The following PXDNL variants were observed in gnomAD, a reference collection of about 807,000 sequenced individuals.
The protein encoded by PXDNL is peroxidasin like.
Under a neutral mutation model 150.8 loss-of-function variants are expected in PXDNL, and 145 were observed. That is an observed-to-expected ratio of 0.96 (90% CI 0.84 to 1.10). The LOEUF (loss-of-function observed/expected upper bound fraction) is 1.10. Among genes scored for constraint, PXDNL ranks in the 50% least tolerant of loss-of-function variants. PXDNL has a pLI of 0.00. For synonymous variants in PXDNL, 757 were observed against 725.7 expected, an observed-to-expected ratio of 1.04 and a Z score of -0.69; for missense variants, 2,087 against 1,873.9, an observed-to-expected ratio of 1.11 and a Z score of -2.10.
chr8:51,780,048 T>G (rs2037395402), intron 1 of PXDNL, among the ~76,000 whole-genome samples: 1 of 152,076 alleles, frequency 6.6e-6, no homozygotes, highest in African/African-American at 2.4e-5. Flanking sequence ...CCATATCTGC[T>G]AAAAATACAA....
At chr8:51,338,419 A>C (rs1272523389) in intron 21 of PXDNL, among the ~76,000 whole-genome samples, 1 of 152,338 alleles carries the variant, frequency 6.6e-6, no homozygotes, top group African/African-American at 2.4e-5. Context: ...TAGTTCACAA[A>C]GTCCTTCTGT....
At chr8:51,685,637 C>T (rs956009047) in intron 1 of PXDNL, among the ~76,000 whole-genome samples, 1 of 152,134 alleles carries the variant, frequency 6.6e-6, no homozygotes, top group Non-Finnish European at 1.5e-5. Context: ...CCTACATACA[C>T]ACATACATAC....
intron 1 of PXDNL, among the ~76,000 whole-genome samples, chr8:51,685,921 G>C (rs1274384891): frequency 6.6e-6 from 1 of 152,174 alleles, no homozygotes; most frequent in African/African-American, 2.4e-5. Flanking sequence ...ATGAATTAAT[G>C]AGTATTACAT....
chr8:51,409,377 G>A lies in PXDNL; in HGVS notation c.2247C>T (p.Phe749=), dbSNP rs775095055. Residue 749 remains phenylalanine (F), a synonymous_variant, in exon 17 of 23, where the codon TTC becomes TTT. Coordinates refer to ENST00000356297, the MANE Select transcript of PXDNL (RefSeq NM_144651.5). ...QPTWGAALTA[F]ARLLQPAYRD... ...GGTAGGCTGGCTGCAGCAGGCGCGCGAAGGCGGTCAGCGCCGCGCCCCACG... is the reference window on the plus strand; with the variant it reads ...GGTAGGCTGGCTGCAGCAGGCGCGCAAAGGCGGTCAGCGCCGCGCCCCACG... The A allele has an allele frequency of 1.9e-6, 3 of 1,580,948 alleles. No individual in the cohort carries two copies. The highest frequency in any genetic ancestry group is 1.8e-5 in the Admixed American group (1 of 54,356).
At chr8:51,585,754 C>T (rs1215800777) in intron 3 of PXDNL, among the ~76,000 whole-genome samples, 1 of 152,090 alleles carries the variant, frequency 6.6e-6, no homozygotes, top group African/African-American at 2.4e-5. Flanking sequence ...TCAGGCCCTT[C>T]CATCCATTCA....
At chr8:51,449,308 C>T (rs1015497246) in intron 10 of PXDNL, among the ~76,000 whole-genome samples, 190 bp from the exon 11 acceptor site, 7 of 152,204 alleles carry the variant, frequency 4.6e-5, no homozygotes, top group African/African-American at 1.4e-4. Flanking sequence ...GCCAGAAATA[C>T]ACACATCTGG....
At chr8:51,351,659 C>T (rs1228445858) in intron 19 of PXDNL, among the ~76,000 whole-genome samples, 1 of 152,200 alleles carries the variant, frequency 6.6e-6, no homozygotes, top group Non-Finnish European at 1.5e-5. Context: ...GAATGCAGGA[C>T]TCCTGGCACA....
intron 19 of PXDNL, among the ~76,000 whole-genome samples, chr8:51,355,901 G>A (rs1199401743): frequency 6.6e-6 from 1 of 152,184 alleles, no homozygotes; most frequent in Non-Finnish European, 1.5e-5. Flanking sequence ...TAAAAAAGAA[G>A]GCCACCCAGC....
intron 12 of PXDNL, among the ~76,000 whole-genome samples, chr8:51,434,069 A>T (rs1809328141): frequency 6.6e-6 from 1 of 152,160 alleles, no homozygotes; most frequent in Non-Finnish European, 1.5e-5. Flanking sequence ...ATTCTTGAAC[A>T]CTTTGATGGA....
intron 1 of PXDNL, among the ~76,000 whole-genome samples, chr8:51,776,651 C>A (rs2037357116): frequency 6.6e-6 from 1 of 152,100 alleles, no homozygotes; most frequent in Non-Finnish European, 1.5e-5. Flanking sequence ...CCAGTGGTAG[C>A]AAGAATACTG....
intron 1 of PXDNL, among the ~76,000 whole-genome samples, chr8:51,706,031 C>A (rs553753686): frequency 6.6e-6 from 1 of 152,136 alleles, no homozygotes; most frequent in Non-Finnish European, 1.5e-5. Context: ...TAAGACTTGG[C>A]GGGGTGCAGT....
intron 3 of PXDNL, among the ~76,000 whole-genome samples, chr8:51,577,499 A>G (rs1813080656): frequency 6.7e-6 from 1 of 149,810 alleles, no homozygotes; most frequent in Non-Finnish European, 1.5e-5. Flanking sequence ...GGCAAGACTG[A>G]CAAAGAACAA....
intron 1 of PXDNL, among the ~76,000 whole-genome samples, chr8:51,794,073 T>C (rs1323718253): frequency 6.6e-6 from 1 of 151,854 alleles, no homozygotes; most frequent in African/African-American, 2.4e-5. Context: ...ATTTCAGAGC[T>C]TGAAGACTAT....
chr8:51,410,040 A>G (rs933837926), intron 16 of PXDNL, among the ~76,000 whole-genome samples: 1 of 152,146 alleles, frequency 6.6e-6, no homozygotes, highest in African/African-American at 2.4e-5. Context: ...TGTTTTGTTG[A>G]TTTTTGTTTG....
chr8:51,360,954 G>A (rs2915488), intron 19 of PXDNL, among the ~76,000 whole-genome samples: 117,243 of 151,670 alleles, frequency 0.77, 45,475 homozygotes, highest in East Asian at 0.94. Context: ...TCTTTACTCA[G>A]TTAAATTTGC....
chr8:51,356,377 T>C (rs1806508216), intron 19 of PXDNL, among the ~76,000 whole-genome samples: 1 of 151,796 alleles, frequency 6.6e-6, no homozygotes, highest in African/African-American at 2.4e-5. Flanking sequence ...TAATCTCAGC[T>C]ACTCAGGCGC....
At chr8:51,394,051 C>G (rs1033202938) in intron 17 of PXDNL, among the ~76,000 whole-genome samples, 1 of 152,186 alleles carries the variant, frequency 6.6e-6, no homozygotes, top group Admixed American at 6.5e-5. Flanking sequence ...CAGTTGACAA[C>G]TCCGTGTCCT....
chr8:51,504,847 T>C (rs960185703), intron 4 of PXDNL, among the ~76,000 whole-genome samples: 1 of 152,230 alleles, frequency 6.6e-6, no homozygotes, highest in Non-Finnish European at 1.5e-5. Context: ...ATATGTTCTA[T>C]GGTATAAAGC....
chr8:51,537,396 A>G (rs1812103073), intron 4 of PXDNL, among the ~76,000 whole-genome samples: 1 of 152,238 alleles, frequency 6.6e-6, no homozygotes, highest in Admixed American at 6.5e-5. Flanking sequence ...AAACTCAGAC[A>G]TATAAATTGG....
Sources: allele counts gnomAD v4.1 joint callset (sites outside exome capture counted in the v4.1 genomes callset), GRCh38; gene constraint gnomAD v4.1.1; transcripts MANE v1.5; gene names NCBI Gene and HGNC (gene_info 2026-07-23, HGNC 2026-07-21).